Variants in CBLN2 observed in about 807,000 individuals in gnomAD.
The protein encoded by CBLN2 is cerebellin-2.
Under a neutral mutation model 15.0 loss-of-function variants are expected in CBLN2, and 7 were observed. That is an observed-to-expected ratio of 0.47 (90% CI 0.27 to 0.88). The LOEUF (loss-of-function observed/expected upper bound fraction) is 0.88, where lower values mean the gene tolerates loss of function less well. CBLN2 is among the 40% of genes least tolerant of loss of function. The pLI is 0.14. For missense variants in CBLN2, 242 were observed against 304.5 expected, an observed-to-expected ratio of 0.79 and a Z score of 1.53; for synonymous variants, 149 against 135.2, an observed-to-expected ratio of 1.10 and a Z score of -0.71.
At chr18:72,615,609 G>A (rs949032284) in intron 1 of CBLN2, among the ~76,000 whole-genome samples, 1 of 152,036 alleles carries the variant, frequency 6.6e-6, no homozygotes, top group African/African-American at 2.4e-5. Flanking sequence ...GAATTAGAAG[G>A]TATAGAAAAT....
Position 72,542,196 on chromosome 18 carries a change from C to T in CBLN2, c.-36G>A. 8.5e-7 allele frequency: 1 copy of T among 1,180,032 alleles called. No individual in the cohort carries two copies. Among genetic ancestry groups the T allele is most frequent in the Admixed American group, 4.5e-5 (1 of 22,064 alleles). 73.1% of individuals were successfully genotyped at this position (1,180,032 alleles called of 1,614,324 possible). ...GGGAGGCGGCGCGCGGGGGTGGAGG[C>T]CGGCGCCGGCGCGAGCGGCGCGGAA... On this transcript the variant is annotated 5_prime_UTR_variant, in exon 3 of 5. Transcript: ENST00000269503.
intron 1 of CBLN2, among the ~76,000 whole-genome samples, chr18:72,622,593 G>T (rs1386217118): frequency 6.6e-6 from 1 of 152,126 alleles, no homozygotes; most frequent in Non-Finnish European, 1.5e-5. Flanking sequence ...TCTGATCTGA[G>T]ATCCCTTATA....
At chr18:72,547,233 A>G (rs543719565), upstream of CBLN2, among the ~76,000 whole-genome samples, 4 of 152,140 alleles carry the variant, frequency 2.6e-5, no homozygotes, top group Non-Finnish European at 5.9e-5. Flanking sequence ...GGAGGCCTCT[A>G]TCTTAAGCGA....
chr18:72,631,835 C>G (rs2069778941), intron 1 of CBLN2, among the ~76,000 whole-genome samples: 1 of 152,098 alleles, frequency 6.6e-6, no homozygotes, highest in African/African-American at 2.4e-5. Context: ...AATTTAGGCA[C>G]TACACAATGT....
At chr18:72,542,479 A>G (rs751537948) in intron 2 of CBLN2, among the ~76,000 whole-genome samples, 153 bp from the exon 3 acceptor site, 119 of 152,004 alleles carry the variant, frequency 7.8e-4, no homozygotes, top group Non-Finnish European at 1.2e-3. Flanking sequence ...ATCTGGCACA[A>G]CAGGTCCGGA....
intron 1 of CBLN2, among the ~76,000 whole-genome samples, chr18:72,635,108 T>C (rs1261450528): frequency 6.6e-6 from 1 of 152,138 alleles, no homozygotes; most frequent in Admixed American, 6.6e-5. Context: ...AAACACTCAA[T>C]TGAGCTCAAT....
rs1434503073 is a variant in CBLN2, at chr18:72,541,937, T to C, written c.224A>G (p.Asp75Gly). Residue 75 changes from aspartate to glycine, a missense_variant, in exon 3 of 5, where the codon GAC becomes GGC. Around this residue, in one of 4 missense-constraint regions of CBLN2, gnomAD observed 89 missense variants for 114.2 expected, o/e 0.78. Transcript: ENST00000269503. Reference sequence around the variant, plus strand: ...GCCTAGGGAGGAGGTGACGGCGCCGTCCGCCGACGGGCTGGAGTCGCACAC... The same window carrying C: ...GCCTAGGGAGGAGGTGACGGCGCCGCCCGCCGACGGGCTGGAGTCGCACAC... ...LVVCDSSPSA[D>G]GAVTSSLGIS... 1 of 1,607,492 alleles carries C rather than the reference T, an allele frequency of 6.2e-7. No homozygotes were observed. Among genetic ancestry groups the C allele is most frequent in the Non-Finnish European group, 8.5e-7 (1 of 1,179,412 alleles).
intron 1 of CBLN2, among the ~76,000 whole-genome samples, chr18:72,603,636 G>T (rs186028727): frequency 5.5e-4 from 84 of 152,072 alleles, no homozygotes; most frequent in African/African-American, 1.8e-3. Flanking sequence ...CCTCAAGCCC[G>T]CCTGCAACTT....
At chr18:72,562,244 G>C (rs2069266374) in intron 1 of CBLN2, among the ~76,000 whole-genome samples, 1 of 152,054 alleles carries the variant, frequency 6.6e-6, no homozygotes, top group African/African-American at 2.4e-5. Context: ...GACAATGTAG[G>C]CCATACAGGG....
intron 1 of CBLN2, among the ~76,000 whole-genome samples, chr18:72,584,392 A>G (rs1452743692): frequency 2.6e-5 from 4 of 151,632 alleles, no homozygotes; most frequent in African/African-American, 9.7e-5. Context: ...GCTCACTGCA[A>G]CCTCTGCCTC....
At chr18:72,556,111 G>A (rs1050832632) in intron 1 of CBLN2, among the ~76,000 whole-genome samples, 1 of 152,104 alleles carries the variant, frequency 6.6e-6, no homozygotes, top group Non-Finnish European at 1.5e-5. Flanking sequence ...TGTAGCATAA[G>A]GAAAAAACAA....
intron 1 of CBLN2, among the ~76,000 whole-genome samples, chr18:72,577,824 G>A (rs1452875489): frequency 6.6e-6 from 1 of 152,166 alleles, no homozygotes; most frequent in Non-Finnish European, 1.5e-5. Context: ...ATGAGCATTT[G>A]TAGCATAATA....
At chr18:72,623,763 C>A (rs983143334) in intron 1 of CBLN2, among the ~76,000 whole-genome samples, 1 of 152,164 alleles carries the variant, frequency 6.6e-6, no homozygotes, top group African/African-American at 2.4e-5. Flanking sequence ...AGGGCATCAG[C>A]ATCCCAGCCT....
intron 1 of CBLN2, among the ~76,000 whole-genome samples, chr18:72,575,869 A>G (rs2069363239): frequency 6.6e-6 from 1 of 152,158 alleles, no homozygotes; most frequent in African/African-American, 2.4e-5. Flanking sequence ...GCTGGAGTAA[A>G]ACCATTCGAT....
At position 72,538,311 on chromosome 18, in the gene CBLN2, G is replaced by A. The variant is rs774338363; in HGVS notation, c.540C>T (p.Thr180=). 3.1e-6 allele frequency: 5 copies of A among 1,614,162 alleles called. No homozygotes were observed. Among genetic ancestry groups the A allele is most frequent in the African/African-American group, 1.3e-5 (1 of 75,020 alleles). ...GCACGCCATTGCTAGCAGCTTCTCT[G>A]GTGACATCCTGGTCTCCTGCAAAGG... ...ISAFAGDQDV[T]REAASNGVLL... The change falls in exon 5 of 5, where the codon ACC becomes ACT. Residue 180 remains threonine (T), a synonymous_variant. Coordinates refer to ENST00000269503, the MANE Select transcript of CBLN2 (RefSeq NM_182511.4).
At chr18:72,601,561 G>A (rs1438336242) in intron 1 of CBLN2, among the ~76,000 whole-genome samples, 2 of 152,272 alleles carry the variant, frequency 1.3e-5, no homozygotes, top group South Asian at 2.1e-4. Context: ...ACGCCATTTC[G>A]CAGACCCTCA....
chr18:72,628,995 T>C (rs1331334795), intron 1 of CBLN2, among the ~76,000 whole-genome samples: 1 of 152,142 alleles, frequency 6.6e-6, no homozygotes, highest in East Asian at 1.9e-4. Context: ...CAAAGCTGAT[T>C]GAAGTGGAAT....
chr18:72,592,040 T>A (rs553703186), intron 1 of CBLN2, among the ~76,000 whole-genome samples: 3 of 152,248 alleles, frequency 2.0e-5, no homozygotes, highest in African/African-American at 7.2e-5. Context: ...ATGTTTTTAG[T>A]TTTTTGAAGA....
At chr18:72,541,441 G>A (rs2069109929) in intron 3 of CBLN2, among the ~76,000 whole-genome samples, 1 of 152,130 alleles carries the variant, frequency 6.6e-6, no homozygotes, top group African/African-American at 2.4e-5. Context: ...GGCCACCTGG[G>A]TGACTGAAGA....
Sources: allele counts gnomAD v4.1 joint callset (sites outside exome capture counted in the v4.1 genomes callset), GRCh38; gene constraint gnomAD v4.1.1; regional missense constraint gnomAD v4.1.1; transcripts MANE v1.5; gene names NCBI Gene and HGNC (gene_info 2026-07-23, HGNC 2026-07-21).